Variants in PLEC observed in about 807,000 individuals in gnomAD.
PLEC encodes plectin.
A neutral mutation model predicts 392.8 loss-of-function variants in PLEC; 216 were observed. That is an observed-to-expected ratio of 0.55 (90% CI 0.49 to 0.62). PLEC has a LOEUF of 0.62. PLEC is among the 20% of genes least tolerant of loss of function. PLEC has a pLI of 0.00. For synonymous variants in PLEC, 3,621 were observed against 2,980.6 expected, an observed-to-expected ratio of 1.21 and a Z score of -7.00; for missense variants, 6,863 against 6,563.4, an observed-to-expected ratio of 1.05 and a Z score of -1.58.
In PLEC at chr8:143,973,261, C is replaced by A. The variant is rs1360102375; in HGVS notation, c.70+142G>T. ...CTCCCCTTCCCTAGGCACTGGCAGC[C>A]GTTGGGGGCGATCCAGGCGGACGAG... is the stretch of plus-strand genomic sequence containing the variant. On this transcript the variant is annotated intron_variant, in intron 1 of 31. Coordinates refer to the PLEC transcript ENST00000356346. The surrounding 1 kb of genome is among the most constrained non-coding windows in gnomAD (Gnocchi z 5.6). The A allele has an allele frequency of 4.7e-6, 5 of 1,052,658 alleles. No individual in the cohort carries two copies. Among genetic ancestry groups the A allele is most frequent in the Admixed American group, 2.3e-5 (1 of 43,150 alleles). The allele number at this position is 1,052,658 out of a possible 1,614,324, so 65.2% of individuals were successfully genotyped here.
chr8:143,975,395 G>A (rs1833626383), upstream of PLEC: 1 of 1,596,426 alleles, frequency 6.3e-7, no homozygotes, highest in Non-Finnish European at 8.5e-7. The surrounding 1 kb of genome is among the most constrained non-coding windows in gnomAD (Gnocchi z 9.9). Context: ...GAGCAGGAGG[G>A]GTCACATCTC....
Position 143,929,823 on chromosome 8 carries a change from T to C in PLEC, c.2746A>G (p.Thr916Ala). Residue 916 changes from threonine to alanine, a missense_variant, in exon 23 of 32, where the codon ACC (threonine) becomes GCC (alanine). Transcript: ENST00000345136. ...IRSWSLATFR[T>A]LKPEEQRQAL... ...TGGCGCTGCTCCTCTGGCTTCAGGG[T>C]GCGGAACTGGGGGAAGCACGTGGGG... The C allele has an allele frequency of 6.3e-7, 1 of 1,599,146 alleles. No individual in the cohort carries two copies. The highest frequency in any genetic ancestry group is 8.5e-7 in the Non-Finnish European group (1 of 1,178,322).
At chr8:143,950,889 C>T (rs1056049594), upstream of PLEC, 31 of 1,270,852 alleles carry the variant, frequency 2.4e-5, no homozygotes, top group Middle Eastern at 5.6e-4. Flanking sequence ...GGCTGTGTGG[C>T]TCGTGGCGCC....
rs782572982 is a variant in PLEC, at chr8:143,924,673, C to T, written c.5256G>A (p.Glu1752=). ...GCACCTTGGCCAGCTCGGCTTCCAG[C>T]TCCTGCCGTTTCTGCGTGGCTGCAG... The part of the protein sequence containing the change: ...EAAAATQKRQ[E]LEAELAKVRA... Residue 1752 remains glutamate, a synonymous_variant, in exon 31 of 32, where the codon GAG becomes GAA. Transcript: ENST00000345136. 2.8e-4 allele frequency: 424 copies of T among 1,535,224 alleles called. 2 individuals are homozygous for T. Among genetic ancestry groups the T allele is most frequent in the Non-Finnish European group, 3.5e-4 (404 of 1,146,582 alleles).
rs1554688012 is a variant in PLEC, at chr8:143,922,013, T to G, written c.7808A>C (p.Glu2603Ala). 6.3e-7 allele frequency: 1 copy of G among 1,597,868 alleles called. No individual in the cohort carries two copies. Among genetic ancestry groups the G allele is most frequent in the South Asian group, 1.1e-5 (1 of 90,916 alleles). The change falls in exon 32 of 32, where the codon GAG becomes GCG. Residue 2603 changes from glutamate to alanine, a missense_variant. Glu to Ala is a moderately radical substitution (Grantham distance 107, BLOSUM62 -1). Transcript: ENST00000345136. ...GTGCGCCAGCGCGGCCCGGTGCTGC[T>G]CCTCCAGGAGCTGCAGCTGCTCACG... The part of the protein sequence containing the change: ...RLREQLQLLE[E>A]QHRAALAHSE...
At chr8:143,932,089 C>A in intron 17 of PLEC, 41 bp downstream of exon 17, 1 of 1,570,086 alleles carries the variant, frequency 6.4e-7, no homozygotes, top group African/African-American at 1.4e-5. Context: ...GGACCCGGCA[C>A]GGCCCCCCCC....
intron 2 of PLEC, 94 bp from the exon 3 acceptor site, chr8:143,938,334 G>A (rs1829616090): frequency 1.3e-6 from 2 of 1,536,702 alleles, no homozygotes; most frequent in African/African-American, 1.4e-5. Context: ...GGTCCCAGAG[G>A]GAAGGAGGCG....
In PLEC at chr8:143,916,435, C is replaced by A. The variant is rs368213127; in HGVS notation, c.13386G>T (p.Arg4462=). ...TGGACTGCGCGGCAGCCTCCAGCAG[C>A]CGCAGCCCCGTGCCCTCCTCCACCA... ...RSMVEEGTGL[R]LLEAAAQSTK... Residue 4462 remains arginine, a synonymous_variant, in exon 32 of 32, where the codon CGG becomes CGT. Coordinates refer to ENST00000345136, the MANE Select transcript of PLEC (RefSeq NM_201384.3). The A allele has an allele frequency of 3.1e-6, 5 of 1,611,680 alleles. No homozygotes were observed. In the African/African-American group the frequency reaches 6.7e-5, roughly 22 times the overall value.
upstream of PLEC, among the ~76,000 whole-genome samples, chr8:143,956,855 G>A (rs1013061710): frequency 1.3e-5 from 2 of 152,216 alleles, no homozygotes; most frequent in Non-Finnish European, 2.9e-5. Context: ...AAGTGGGGGC[G>A]GCCACGATGA....
At chr8:143,935,427 C>T in intron 6 of PLEC, 114 bp from the exon 7 acceptor site, 1 of 746,084 alleles carries the variant, frequency 1.3e-6, no homozygotes, top group East Asian at 2.7e-5. Context: ...ACCCCCCCAA[C>T]ACTCACCCTG....
At position 143,963,809 on chromosome 8, in the gene PLEC, A is replaced by ATTTT. The variant is rs1190132489; in HGVS notation, c.70+9590_70+9593dup. Among the ~76,000 whole-genome samples the ATTTT allele has an allele frequency of 3.8e-4, 45 of 119,912 alleles. 3 individuals carry two copies. Among genetic ancestry groups the ATTTT allele is most frequent in the African/African-American group, 3.5e-4 (11 of 31,720 alleles). The allele number at this position is 119,912 out of a possible 152,430, so 78.7% of individuals were successfully genotyped here. On this transcript the variant is annotated intron_variant, in intron 1 of 31. Transcript: ENST00000356346. ...AGCCATGTGCCACCACACCTGGCTA[A>ATTTT]TTTTTTTTTTTTTTTTTTTTTGAGA...
upstream of PLEC, chr8:143,939,631 C>A (rs1280782405): frequency 2.8e-6 from 4 of 1,428,954 alleles, no homozygotes; most frequent in South Asian, 4.4e-5. Flanking sequence ...TGCTGTACTC[C>A]CCGGCGAGGC....
intron 3 of PLEC, 52 bp from the exon 4 acceptor site, chr8:143,937,294 C>T: frequency 1.0e-5 from 14 of 1,393,246 alleles, no homozygotes; most frequent in Non-Finnish European, 1.4e-5. Context: ...TCCCGGGCCC[C>T]ACCCTCAGCA....
At chr8:143,976,724 G>C (rs1833678952), upstream of PLEC, 1 of 151,852 alleles carries the variant, frequency 6.6e-6, no homozygotes, top group Admixed American at 6.6e-5. Context: ...GCTCACTTCA[G>C]CTCTGCCGCC....
upstream of PLEC, among the ~76,000 whole-genome samples, chr8:143,951,164 G>C (rs1330010385): frequency 6.6e-6 from 1 of 152,030 alleles, no homozygotes; most frequent in East Asian, 1.9e-4. Context: ...TGGGGCAAGT[G>C]GGGGCGGATA....
chr8:143,938,538 G>T, intron 2 of PLEC, 93 bp downstream of exon 2: 2 of 1,543,962 alleles, frequency 1.3e-6, no homozygotes, highest in Non-Finnish European at 8.9e-7. Flanking sequence ...CACACAGGCA[G>T]CATGGGGACA....
rs368421440 is a variant in PLEC at position 143,937,213 on chromosome 8, G to A, written c.294C>T (p.His98=). Residue 98 remains histidine (H), a synonymous_variant, in exon 4 of 32, where the codon CAC becomes CAT. Transcript: ENST00000345136. ...LPREKGRMRF[H]KLQNVQIALD... ...GGGCAATCTGGACATTCTGCAGCTT[G>A]TGGAAACGCATCCTCCCCTTCTCCC... The A allele has an allele frequency of 2.0e-5, 33 of 1,612,676 alleles. No individual in the cohort carries two copies. The highest frequency in any genetic ancestry group is 1.6e-4 in the Middle Eastern group (1 of 6,074).
Position 143,916,775 on chromosome 8 carries a change from A to T in PLEC, c.13046T>A (p.Ile4349Asn), listed in dbSNP as rs782791277. ...GLVDKIMVDR[I>N]NLAQKAFCGF... ...GCAGAAGGCCTTCTGGGCCAGGTTG[A>T]TGCGGTCCACCATGATCTTGTCCAC... is the stretch of plus-strand genomic sequence containing the variant. The change falls in exon 32 of 32, where the codon ATC becomes AAC. Residue 4349 changes from isoleucine (I) to asparagine (N), a missense_variant. By Grantham distance (149) the Ile-to-Asn change is moderately radical (BLOSUM62 -3). Coordinates refer to ENST00000345136, the MANE Select transcript of PLEC (RefSeq NM_201384.3). 1 of 1,613,108 alleles carries T rather than the reference A, an allele frequency of 6.2e-7. No individual in the cohort carries two copies. Among genetic ancestry groups the T allele is most frequent in the African/African-American group, 1.3e-5 (1 of 74,914 alleles).
chr8:143,945,475 C>T (rs1271568231), intron 1 of PLEC, among the ~76,000 whole-genome samples: 2 of 152,230 alleles, frequency 1.3e-5, no homozygotes, highest in Admixed American at 1.3e-4. Flanking sequence ...GGGACACGCA[C>T]AGTCCTGCTC....
Sources: allele counts gnomAD v4.1 joint callset (sites outside exome capture counted in the v4.1 genomes callset), GRCh38; gene constraint gnomAD v4.1.1; non-coding constraint Gnocchi (gnomAD v3.1); transcripts MANE v1.5; gene names NCBI Gene and HGNC (gene_info 2026-07-23, HGNC 2026-07-21).